TSHZ3: variants seen among roughly 807,000 people sequenced by gnomAD.
TSHZ3 encodes teashirt homolog 3.
TSHZ3 carries 10 observed loss-of-function variants against 64.5 expected under a neutral mutation model. The observed-to-expected ratio is 0.16, with a 90% CI of 0.10 to 0.26. The LOEUF (loss-of-function observed/expected upper bound fraction) is 0.26, where lower values mean the gene tolerates loss of function less well. Ranked by LOEUF, TSHZ3 falls within the 10% of genes least tolerant of loss-of-function variation. TSHZ3 has a pLI of 1.00. For synonymous variants in TSHZ3, 608 were observed against 593.1 expected, an observed-to-expected ratio of 1.03 and a Z score of -0.36; for missense variants, 1,242 against 1,421.7, an observed-to-expected ratio of 0.87 and a Z score of 2.03.
At chr19:31,320,065 G>A (rs1916719452) in intron 1 of TSHZ3, among the ~76,000 whole-genome samples, 1 of 152,146 alleles carries the variant, frequency 6.6e-6, no homozygotes, top group Non-Finnish European at 1.5e-5. Flanking sequence ...CTCACACCCT[G>A]AAACATTTTC....
At chr19:31,181,936 G>C (rs1341982689) in intron 5 of TSHZ3, among the ~76,000 whole-genome samples, 1 of 152,174 alleles carries the variant, frequency 6.6e-6, no homozygotes, top group Non-Finnish European at 1.5e-5. Context: ...AGAGAAGCCA[G>C]AAGGAACTGG....
intron 4 of TSHZ3, among the ~76,000 whole-genome samples, chr19:31,208,411 C>T (rs1038257314): frequency 6.6e-6 from 1 of 152,176 alleles, no homozygotes; most frequent in Non-Finnish European, 1.5e-5. Flanking sequence ...TTATCACACG[C>T]CTGTCTGTTG....
chr19:31,210,485 C>T (rs1975248428), intron 4 of TSHZ3, among the ~76,000 whole-genome samples: 1 of 152,150 alleles, frequency 6.6e-6, no homozygotes, highest in Non-Finnish European at 1.5e-5. Context: ...AGCCTCTGAT[C>T]TCCTTTCTTC....
At chr19:31,189,997 T>G (rs917617970) in intron 5 of TSHZ3, among the ~76,000 whole-genome samples, 2 of 152,208 alleles carry the variant, frequency 1.3e-5, no homozygotes, top group South Asian at 4.1e-4. Flanking sequence ...TAAATCTCTG[T>G]GTCTAATATT....
intron 1 of TSHZ3, among the ~76,000 whole-genome samples, chr19:31,286,873 A>G (rs1250780343): frequency 6.6e-6 from 1 of 152,156 alleles, no homozygotes; most frequent in Non-Finnish European, 1.5e-5. Flanking sequence ...GTCCGGGGAG[A>G]GAAGAGAGCT....
chr19:31,178,944 G>A (rs185261767), intron 5 of TSHZ3, among the ~76,000 whole-genome samples: 75 of 152,280 alleles, frequency 4.9e-4, no homozygotes, highest in African/African-American at 1.7e-3. Flanking sequence ...TGCCTCTGGG[G>A]AAGATGGTGG....
At chr19:31,210,278 C>T (rs1975246095) in intron 4 of TSHZ3, among the ~76,000 whole-genome samples, 1 of 152,114 alleles carries the variant, frequency 6.6e-6, no homozygotes, top group Non-Finnish European at 1.5e-5. Flanking sequence ...ATAGTAATGT[C>T]ACCAATGACA....
intron 1 of TSHZ3, among the ~76,000 whole-genome samples, chr19:31,322,907 G>A (rs1459025299): frequency 6.6e-6 from 1 of 152,150 alleles, no homozygotes; most frequent in Non-Finnish European, 1.5e-5. Flanking sequence ...TCAACATCAA[G>A]GATTAGCAAT....
intron 1 of TSHZ3, among the ~76,000 whole-genome samples, chr19:31,249,704 T>C (rs1195229762): frequency 4.6e-5 from 7 of 152,174 alleles, no homozygotes. Flanking sequence ...GGTTTGAGCA[T>C]CCACAGTTCA....
intron 1 of TSHZ3, among the ~76,000 whole-genome samples, chr19:31,293,315 G>T (rs1199653668): frequency 1.3e-5 from 2 of 152,264 alleles, no homozygotes; most frequent in South Asian, 2.1e-4. Context: ...AGAGCACAAG[G>T]GCATTAGAGA....
chr19:31,301,036 C>G (rs1247884236), intron 1 of TSHZ3, among the ~76,000 whole-genome samples: 1 of 152,100 alleles, frequency 6.6e-6, no homozygotes, highest in East Asian at 1.9e-4. Flanking sequence ...ATTTCAGGAG[C>G]AAAATCCTTA....
At chr19:31,149,909 T>A (rs1974217605), downstream of TSHZ3, among the ~76,000 whole-genome samples, 1 of 151,896 alleles carries the variant, frequency 6.6e-6, no homozygotes, top group Non-Finnish European at 1.5e-5. Context: ...TGTTAGGGAG[T>A]GGGGAACAGA....
At position 31,340,926 on chromosome 19, in the gene TSHZ3, T is replaced by C. The variant is rs375643271; in HGVS notation, c.40+8254A>G. On this transcript the variant is annotated intron_variant, in intron 1 of 1. Transcript: ENST00000240587. ...GGACACAGGCCAGGGAACCACTGCGTTCACCTTCCATCTCTCAACCACTGT... is the reference window on the plus strand; with the variant it reads ...GGACACAGGCCAGGGAACCACTGCGCTCACCTTCCATCTCTCAACCACTGT... Among the ~76,000 whole-genome samples, 25 of 152,374 alleles carry C rather than the reference T, an allele frequency of 1.6e-4. No homozygotes were observed. The South Asian group carries it at 3.3e-3, about 20-fold the overall frequency.
chr19:31,317,720 G>A (rs76292782), intron 1 of TSHZ3, among the ~76,000 whole-genome samples: 9,930 of 152,308 alleles, frequency 0.065, 421 homozygotes, highest in Admixed American at 0.13. Flanking sequence ...AAGAAGGGGC[G>A]GCTTGTCATC....
At chr19:31,268,008 G>T (rs1417893266) in intron 1 of TSHZ3, among the ~76,000 whole-genome samples, 1 of 152,074 alleles carries the variant, frequency 6.6e-6, no homozygotes, top group East Asian at 1.9e-4. Context: ...GCCATGAGAG[G>T]GTCCTGGTGG....
intron 3 of TSHZ3, among the ~76,000 whole-genome samples, chr19:31,228,367 A>C (rs2145173701): frequency 6.6e-6 from 1 of 152,002 alleles, no homozygotes. Flanking sequence ...GTCTACAAAA[A>C]TTACAAAATT....
chr19:31,349,243 T>TGCCGCCGCC lies in TSHZ3; in HGVS notation c.-33_-25dup, dbSNP rs761271037. On this transcript the variant is annotated 5_prime_UTR_variant, in exon 1 of 2. Coordinates refer to ENST00000240587, the MANE Select transcript of TSHZ3 (RefSeq NM_020856.4). ...ATGATGCTTCTCCGGCGACTGCCACTGCCGCCGCCGCCGCCGCTGCCGGGC... is the reference window on the plus strand; with the variant it reads ...ATGATGCTTCTCCGGCGACTGCCACTGCCGCCGCCGCCGCCGCCGCCGCCGCTGCCGGGC... 8 of 1,470,582 alleles carry TGCCGCCGCC rather than the reference T, an allele frequency of 5.4e-6. No individual in the cohort carries two copies. Among genetic ancestry groups the TGCCGCCGCC allele is most frequent in the Non-Finnish European group, 7.3e-6 (8 of 1,092,072 alleles). 91.1% of individuals were successfully genotyped at this position (1,470,582 alleles called of 1,614,324 possible).
intron 6 of TSHZ3, among the ~76,000 whole-genome samples, chr19:31,152,593 G>A (rs1363611632): frequency 2.0e-5 from 3 of 152,266 alleles, no homozygotes; most frequent in South Asian, 2.1e-4. Context: ...GTTCAGGAGT[G>A]CCAGAGCTCT....
chr19:31,222,341 C>T (rs62101215), intron 4 of TSHZ3, among the ~76,000 whole-genome samples: 7,027 of 152,250 alleles, frequency 0.046, 229 homozygotes, highest in Middle Eastern at 0.14. Flanking sequence ...GTCAGTCAAA[C>T]GCATGTGACC....
Sources: gnomAD v4.1 joint callset for allele counts (sites outside exome capture counted in the v4.1 genomes callset) on GRCh38, gnomAD v4.1.1 for gene constraint, MANE v1.5 for transcripts, NCBI Gene and HGNC (gene_info 2026-07-23, HGNC 2026-07-21) for gene names.